BBS9: variants seen among roughly 807,000 people sequenced by gnomAD.
BBS9 encodes Bardet-Biedl syndrome 9, also known as protein PTHB1.
In BBS9, 89 loss-of-function variants were observed where a neutral mutation model predicts 117.7. That is an observed-to-expected ratio of 0.76 (90% CI 0.64 to 0.90). The LOEUF (loss-of-function observed/expected upper bound fraction) is 0.90. BBS9 is among the 40% of genes least tolerant of loss of function. The pLI, the probability that BBS9 is intolerant of heterozygous loss-of-function variation, is 0.00. For synonymous variants in BBS9, 379 were observed against 370.9 expected, an observed-to-expected ratio of 1.02 and a Z score of -0.25; for missense variants, 982 against 1,042.2, an observed-to-expected ratio of 0.94 and a Z score of 0.80.
At chr7:33,591,600 A>C (rs1563414783) in intron 21 of BBS9, among the ~76,000 whole-genome samples, 1 of 152,054 alleles carries the variant, frequency 6.6e-6, no homozygotes, top group Non-Finnish European at 1.5e-5. Context: ...CAAGGCATAC[A>C]TTTAAATACA....
chr7:33,404,110 C>G (rs1240959604), intron 19 of BBS9, among the ~76,000 whole-genome samples: 1 of 152,102 alleles, frequency 6.6e-6, no homozygotes, highest in Admixed American at 6.6e-5. Context: ...AATCCTTTCC[C>G]CATTGCTTGT....
intron 19 of BBS9, among the ~76,000 whole-genome samples, chr7:33,403,167 T>C (rs1223589562): frequency 1.3e-5 from 2 of 151,810 alleles, no homozygotes; most frequent in Non-Finnish European, 2.9e-5. Context: ...TGAGTGATGC[T>C]GAGGTTTGGG....
chr7:33,576,355 T>A (rs1247984743), intron 21 of BBS9, among the ~76,000 whole-genome samples: 1 of 152,106 alleles, frequency 6.6e-6, no homozygotes, highest in Non-Finnish European at 1.5e-5. Flanking sequence ...ACAAGAGATG[T>A]GAAGGACCTC....
chr7:33,202,576 C>T (rs1786074760), intron 5 of BBS9, among the ~76,000 whole-genome samples: 1 of 152,134 alleles, frequency 6.6e-6, no homozygotes, highest in South Asian at 2.1e-4. Flanking sequence ...AGGAAACTTA[C>T]AGTCATAGTT....
intron 21 of BBS9, among the ~76,000 whole-genome samples, chr7:33,588,240 T>C (rs1012556586): frequency 6.6e-6 from 1 of 152,136 alleles, no homozygotes; most frequent in Admixed American, 6.6e-5. Flanking sequence ...TTGTATCAGC[T>C]AAAGCAAAGA....
chr7:33,427,443 T>A (rs1398296360), intron 19 of BBS9, among the ~76,000 whole-genome samples: 2 of 152,206 alleles, frequency 1.3e-5, no homozygotes, highest in Middle Eastern at 3.2e-3. Flanking sequence ...CTATTGACTT[T>A]CCTGGCAATG....
At chr7:33,237,344 T>C (rs1225632187) in intron 5 of BBS9, among the ~76,000 whole-genome samples, 4 of 152,350 alleles carry the variant, frequency 2.6e-5, no homozygotes, top group Admixed American at 6.5e-5. Flanking sequence ...CTTTGAGCTA[T>C]GTACAATTCT....
At chr7:33,195,400 A>C (rs1042396952) in intron 5 of BBS9, among the ~76,000 whole-genome samples, 1 of 152,126 alleles carries the variant, frequency 6.6e-6, no homozygotes, top group Non-Finnish European at 1.5e-5. Flanking sequence ...TATCTATTAC[A>C]AGGCATGGGT....
At chr7:33,417,966 T>C (rs1832277078) in intron 19 of BBS9, among the ~76,000 whole-genome samples, 1 of 152,198 alleles carries the variant, frequency 6.6e-6, no homozygotes, top group Non-Finnish European at 1.5e-5. Flanking sequence ...TCTGGTGCAG[T>C]GTGCAGCCAC....
chr7:33,206,821 CCTAA>C (rs1267933075), intron 5 of BBS9, among the ~76,000 whole-genome samples: 1 of 152,048 alleles, frequency 6.6e-6, no homozygotes, highest in Admixed American at 6.6e-5. Flanking sequence ...ACATTTCCAT[CCTAA>C]CTATTACAGA....
intron 5 of BBS9, among the ~76,000 whole-genome samples, chr7:33,192,225 A>G (rs1228044050): frequency 6.6e-6 from 1 of 152,218 alleles, no homozygotes; most frequent in Non-Finnish European, 1.5e-5. Flanking sequence ...CTTTATATGC[A>G]TATATCTTGA....
chr7:33,582,687 G>A (rs761625699), intron 21 of BBS9, among the ~76,000 whole-genome samples: 2 of 152,012 alleles, frequency 1.3e-5, no homozygotes, highest in East Asian at 1.9e-4. Context: ...CATTTAGTTA[G>A]GAACATCTTA....
Position 33,155,647 on chromosome 7 carries a change from A to G in BBS9, c.273A>G (p.Glu91=). 6.3e-7 allele frequency: 1 copy of G among 1,591,970 alleles called. No homozygotes were observed. Among genetic ancestry groups the G allele is most frequent in the Non-Finnish European group, 8.6e-7 (1 of 1,164,326 alleles). The part of the protein sequence containing the change: ...VEVGKFVSGT[E]MLHLAVLHSR... ...TTTCTCTGTTTTTCAGAGGTACCGA[A>G]ATGCTACATTTGGCTGTGTTACATT... Residue 91 remains glutamate (E), a synonymous_variant, in exon 4 of 23, where the codon GAA becomes GAG. Transcript: ENST00000242067.
chr7:33,339,452 G>T (rs1816064185), intron 10 of BBS9, among the ~76,000 whole-genome samples: 1 of 152,178 alleles, frequency 6.6e-6, no homozygotes, highest in Non-Finnish European at 1.5e-5. Flanking sequence ...ACAGCCATTT[G>T]TACTCTCATT....
At chr7:33,401,420 G>C (rs1828898631) in intron 19 of BBS9, among the ~76,000 whole-genome samples, 1 of 152,204 alleles carries the variant, frequency 6.6e-6, no homozygotes, top group Non-Finnish European at 1.5e-5. Context: ...CTGGGGCACA[G>C]TCTCAGGAGG....
intron 21 of BBS9, among the ~76,000 whole-genome samples, chr7:33,547,159 T>G (rs770271837): frequency 6.6e-6 from 1 of 152,184 alleles, no homozygotes; most frequent in Admixed American, 6.5e-5. Flanking sequence ...AAGAGGACTC[T>G]GTAGGGAGCA....
rs6964304 is a variant in BBS9, at chr7:33,432,360, C to T, written c.2115+44216C>T. On this transcript the variant is annotated intron_variant, in intron 19 of 22. Coordinates refer to ENST00000242067, the MANE Select transcript of BBS9 (RefSeq NM_198428.3). ...TCCTGACCTCGTGATCCGCCCACCT[C>T]GGCCTCCCAAAGTGCTGGGATTACA... Among the ~76,000 whole-genome samples, 498 of 151,912 alleles carry T rather than the reference C, an allele frequency of 3.3e-3. 2 individuals are homozygous for T. Among genetic ancestry groups the T allele is most frequent in the African/African-American group, 0.011 (474 of 41,400 alleles).
chr7:33,548,291 T>C (rs1029750212), intron 21 of BBS9, among the ~76,000 whole-genome samples: 1 of 152,212 alleles, frequency 6.6e-6, no homozygotes, highest in Non-Finnish European at 1.5e-5. Flanking sequence ...TTAATTGTCA[T>C]GTAGATAACT....
At chr7:33,577,692 C>T (rs141704822) in intron 21 of BBS9, among the ~76,000 whole-genome samples, 3,266 of 152,184 alleles carry the variant, frequency 0.021, 106 homozygotes, top group Admixed American at 0.097. Flanking sequence ...GAAAATGTGG[C>T]ACATATACAC....
Sources: allele counts gnomAD v4.1 joint callset (sites outside exome capture counted in the v4.1 genomes callset), GRCh38; gene constraint gnomAD v4.1.1; transcripts MANE v1.5; gene names NCBI Gene and HGNC (gene_info 2026-07-23, HGNC 2026-07-21).